Variants in ANKHD1 observed in about 807,000 individuals in gnomAD.
ANKHD1 encodes ankyrin repeat and KH domain containing 1, also known as ankyrin repeat and KH domain-containing protein 1.
In ANKHD1, 31 loss-of-function variants were observed where a neutral mutation model predicts 230.5. The ratio of observed to expected loss-of-function variants is 0.13; its 90% CI spans 0.10 to 0.18. The LOEUF is 0.18. Ranked by LOEUF, ANKHD1 falls within the 10% of genes least tolerant of loss-of-function variation. The probability of loss-of-function intolerance (pLI) is 1.00; values close to 1 mark genes in which losing one functional copy is unlikely to be tolerated. For missense variants in ANKHD1, 2,256 were observed against 3,071.3 expected (o/e 0.73, Z 6.27); for synonymous variants, 1,074 against 1,117.6 (o/e 0.96, Z 0.78).
chr5:140,508,461 G>C (rs1168413792), intron 20 of ANKHD1, among the ~76,000 whole-genome samples: 1 of 151,996 alleles, frequency 6.6e-6, no homozygotes, highest in Non-Finnish European at 1.5e-5. Flanking sequence ...AAGAAAATAG[G>C]AGTTAGTGGA....
intron 10 of ANKHD1, among the ~76,000 whole-genome samples, chr5:140,467,584 C>T (rs1234901604): frequency 6.6e-6 from 1 of 151,970 alleles, no homozygotes; most frequent in Non-Finnish European, 1.5e-5. Context: ...TAGTGAGACC[C>T]TTCTCTTAAA....
chr5:140,431,857 C>T (rs946580874), intron 1 of ANKHD1, among the ~76,000 whole-genome samples: 5 of 152,280 alleles, frequency 3.3e-5, no homozygotes, highest in African/African-American at 1.2e-4. Flanking sequence ...TATTTTTCTT[C>T]TGAATTTGAT....
intron 7 of ANKHD1, among the ~76,000 whole-genome samples, chr5:140,454,988 G>T (rs13174105): frequency 7.9e-6 from 1 of 126,822 alleles, no homozygotes; most frequent in South Asian, 2.6e-4. Context: ...TAAAGAAGAA[G>T]AGAGAAGAAT....
intron 28 of ANKHD1, 68 bp downstream of exon 28, chr5:140,528,090 T>C (rs1753678172): frequency 1.9e-6 from 3 of 1,580,152 alleles, no homozygotes; most frequent in Middle Eastern, 1.7e-4. Context: ...TTGTCAGGTA[T>C]GGTATAATTA....
chr5:140,512,378 G>C (rs1752809677), intron 22 of ANKHD1, among the ~76,000 whole-genome samples: 1 of 152,104 alleles, frequency 6.6e-6, no homozygotes, highest in African/African-American at 2.4e-5. Flanking sequence ...AGTTAGTGAA[G>C]TAGAGGCAAA....
At chr5:140,511,931 G>T (rs962620709) in intron 22 of ANKHD1, among the ~76,000 whole-genome samples, 6 of 152,082 alleles carry the variant, frequency 3.9e-5, no homozygotes, top group Admixed American at 3.9e-4. Flanking sequence ...ATGCAAGCTT[G>T]GTTACATTAA....
intron 7 of ANKHD1, among the ~76,000 whole-genome samples, chr5:140,456,729 T>C (rs188903927): frequency 2.8e-4 from 43 of 152,288 alleles, no homozygotes; most frequent in African/African-American, 8.9e-4. Flanking sequence ...AAGACTTAAA[T>C]GTTAGACCTA....
chr5:140,510,125 G>A lies in ANKHD1; in HGVS notation c.4048G>A (p.Asp1350Asn), dbSNP rs1341830284. 6.2e-7 allele frequency: 1 copy of A among 1,613,826 alleles called. No individual in the cohort carries two copies. Among genetic ancestry groups the A allele is most frequent in the African/African-American group, 1.3e-5 (1 of 74,900 alleles). ...VVQLLVQAGA[D>N]VDAADNRKIT... ...GCAGTTGCTAGTGCAAGCAGGTGCT[G>A]ATGTGGATGCAGCAGATAACCGGAA... is the stretch of plus-strand genomic sequence containing the variant. Residue 1350 changes from aspartate (D) to asparagine (N), a missense_variant, in exon 22 of 34, where the codon GAT becomes AAT. Around this residue, in one of 13 missense-constraint regions of ANKHD1, gnomAD observed 195 missense variants for 340.3 expected, o/e 0.57. Coordinates refer to ENST00000360839, the MANE Select transcript of ANKHD1 (RefSeq NM_017747.3).
chr5:140,464,913 G>C (rs1235327941), intron 10 of ANKHD1, 137 bp downstream of exon 10: 8 of 791,822 alleles, frequency 1.0e-5, no homozygotes, highest in Non-Finnish European at 1.5e-5. Flanking sequence ...ACCTGTTCTA[G>C]TTGTTGTATG....
At position 140,445,797 on chromosome 5, in the gene ANKHD1, G is replaced by A; in HGVS notation, c.969G>A (p.Val323=). The part of the protein sequence containing the change: ...CAGGFVDIVK[V]LLNEGANIED... ...GAGGATTTGTTGACATTGTTAAAGT[G>A]CTCCTTAATGAAGGTGCAAATATAG... Residue 323 remains valine, a synonymous_variant, in exon 6 of 34, where the codon GTG becomes GTA. Transcript: ENST00000360839. The A allele has an allele frequency of 6.2e-7, 1 of 1,612,884 alleles. No individual in the cohort carries two copies. The highest frequency in any genetic ancestry group is 8.5e-7 in the Non-Finnish European group (1 of 1,179,382).
At chr5:140,473,296 G>A (rs868257002) in intron 10 of ANKHD1, among the ~76,000 whole-genome samples, 15 of 152,076 alleles carry the variant, frequency 9.9e-5, no homozygotes, top group African/African-American at 3.6e-4. Context: ...CTAAAGTGCT[G>A]GGATTACAGG....
chr5:140,403,838 T>A (rs1375956693), intron 1 of ANKHD1, among the ~76,000 whole-genome samples: 1 of 152,228 alleles, frequency 6.6e-6, no homozygotes, highest in Non-Finnish European at 1.5e-5. Context: ...TTTCTCTGTG[T>A]GTACTAACAA....
At chr5:140,460,384 A>C (rs1338165346) in intron 9 of ANKHD1, among the ~76,000 whole-genome samples, 1 of 152,142 alleles carries the variant, frequency 6.6e-6, no homozygotes, top group African/African-American at 2.4e-5. Flanking sequence ...AGAAAAGTTA[A>C]TATGTAAAAG....
intron 10 of ANKHD1, among the ~76,000 whole-genome samples, chr5:140,478,766 T>A (rs570244397): frequency 1.6e-4 from 25 of 152,090 alleles, no homozygotes; most frequent in Middle Eastern, 3.4e-3. Flanking sequence ...TGCCTCAGCC[T>A]CCCGAGTAGC....
At position 140,445,982 on chromosome 5, in the gene ANKHD1, A is replaced by C. The variant is rs368631338; in HGVS notation, c.1147+7A>C. On this transcript the variant is annotated splice_region_variant and intron_variant, in intron 6 of 33. Coordinates refer to ENST00000360839, the MANE Select transcript of ANKHD1 (RefSeq NM_017747.3). ...ACACTTGCTTGCTACAAAGGTACTTAATACATGTATGAATATTTATAATGT... is the reference window on the plus strand; with the variant it reads ...ACACTTGCTTGCTACAAAGGTACTTCATACATGTATGAATATTTATAATGT... 7.0e-5 allele frequency: 110 copies of C among 1,575,368 alleles called. No homozygotes were observed. Among genetic ancestry groups the C allele is most frequent in the Non-Finnish European group, 8.9e-5 (103 of 1,159,080 alleles).
chr5:140,424,184 C>G (rs1251689011), intron 1 of ANKHD1, among the ~76,000 whole-genome samples: 3 of 152,022 alleles, frequency 2.0e-5, no homozygotes, highest in East Asian at 1.9e-4. Flanking sequence ...ACTGCTTTGG[C>G]ATCAAGAATA....
At chr5:140,487,565 AAATGTGTAC>A (rs2127021405) in intron 14 of ANKHD1, among the ~76,000 whole-genome samples, 1 of 152,314 alleles carries the variant, frequency 6.6e-6, no homozygotes, top group Non-Finnish European at 1.5e-5. Flanking sequence ...TATCAAAATA[AAATGTGTAC>A]AAGTAATATC....
chr5:140,509,956 G>A, intron 21 of ANKHD1, 63 bp from the exon 22 acceptor site: 1 of 1,548,452 alleles, frequency 6.5e-7, no homozygotes, highest in Non-Finnish European at 8.7e-7. Context: ...AGAAGATAGA[G>A]AAAACTAGAA....
chr5:140,491,158 A>ATTTTTT (rs1470465560), intron 14 of ANKHD1, among the ~76,000 whole-genome samples: 15 of 83,382 alleles, frequency 1.8e-4, no homozygotes, highest in African/African-American at 4.8e-4. Flanking sequence ...ATATATATAT[A>ATTTTTT]TATTTTTTTT....
Sources: allele counts gnomAD v4.1 joint callset (sites outside exome capture counted in the v4.1 genomes callset), GRCh38; gene constraint gnomAD v4.1.1; regional missense constraint gnomAD v4.1.1; transcripts MANE v1.5; gene names NCBI Gene and HGNC (gene_info 2026-07-23, HGNC 2026-07-21).